Variants in KIF1A observed in about 807,000 individuals in gnomAD.
KIF1A encodes the protein kinesin family member 1A, also known as kinesin-like protein KIF1A.
KIF1A carries 46 observed loss-of-function variants against 227.3 expected under a neutral mutation model. The ratio of observed to expected loss-of-function variants is 0.20; its 90% CI spans 0.16 to 0.26. The LOEUF (loss-of-function observed/expected upper bound fraction) is 0.26. Among genes scored for constraint, KIF1A ranks in the 10% least tolerant of loss-of-function variants. The pLI, the probability that KIF1A is intolerant of heterozygous loss-of-function variation, is 1.00. For synonymous variants in KIF1A, 1,022 were observed against 1,012.8 expected (o/e 1.01, Z -0.17); for missense variants, 1,683 against 2,485.9 (o/e 0.68, Z 6.87).
chr2:240,767,171 G>A (rs2051311802), intron 18 of KIF1A, 95 bp downstream of exon 18: 1 of 1,181,272 alleles, frequency 8.5e-7, no homozygotes, highest in Admixed American at 1.9e-5. Context: ...CAAACTCAGT[G>A]GCCCCTCTGC....
At chr2:240,786,937 G>T (rs1296295684) in intron 5 of KIF1A, among the ~76,000 whole-genome samples, 1 of 151,566 alleles carries the variant, frequency 6.6e-6, no homozygotes, top group East Asian at 1.9e-4. Context: ...TGGGCTCTAG[G>T]ACACACACAT....
In KIF1A at chr2:240,722,462, G is replaced by A. The variant is rs1269754231; in HGVS notation, c.4659C>T (p.Ala1553=). The change falls in exon 43 of 49, where the codon GCC becomes GCT. Residue 1553 remains alanine, a synonymous_variant. Transcript: ENST00000498729. ...GCCCACCAGCTGGACCCACCTTGAC[G>A]GCCAGCTCCCGCTGCCTCTCGTTGG... is the stretch of plus-strand genomic sequence containing the variant. ...EAPNERQREL[A]VKCLRLLTHT... 66 of 1,546,382 alleles carry A rather than the reference G, an allele frequency of 4.3e-5. No individual in the cohort carries two copies. The highest frequency in any genetic ancestry group is 2.2e-4 in the Middle Eastern group (1 of 4,484).
At chr2:240,809,133 A>G (rs993637712) in intron 1 of KIF1A, among the ~76,000 whole-genome samples, 1 of 152,268 alleles carries the variant, frequency 6.6e-6, no homozygotes, top group Non-Finnish European at 1.5e-5. Flanking sequence ...ATAAATCTCA[A>G]TATCTTGAAA....
chr2:240,821,215 G>C (rs1042567736), upstream of KIF1A, among the ~76,000 whole-genome samples: 1 of 152,198 alleles, frequency 6.6e-6, no homozygotes, highest in Non-Finnish European at 1.5e-5. Flanking sequence ...CTGCCATCGA[G>C]CCCCTGCCAT....
intron 23 of KIF1A, among the ~76,000 whole-genome samples, chr2:240,761,636 G>A (rs1027809606): frequency 6.6e-6 from 1 of 152,202 alleles, no homozygotes; most frequent in Non-Finnish European, 1.5e-5. Flanking sequence ...TCTGGGCTGG[G>A]AGAGCTCTGT....
At chr2:240,746,727 AC>A (rs1318621617) in intron 29 of KIF1A, among the ~76,000 whole-genome samples, 2 of 152,166 alleles carry the variant, frequency 1.3e-5, no homozygotes, top group Admixed American at 1.3e-4. Context: ...ACCTTCCTCC[AC>A]CACTCTCTCA....
intron 31 of KIF1A, 64 bp from the exon 32 acceptor site, chr2:240,745,581 G>A: frequency 6.6e-7 from 1 of 1,505,596 alleles, no homozygotes; most frequent in Admixed American, 1.8e-5. Flanking sequence ...TTACCAGGTG[G>A]AACCCACCTC....
Position 240,747,222 on chromosome 2 carries a change from A to C in KIF1A, c.3063+14T>G. Reference sequence around the variant, plus strand: ...GGCACCTCCAGGTCTGGGACTCGGGAGGGAGCTTGGTACCTTTTCAAAATG... The same window carrying C: ...GGCACCTCCAGGTCTGGGACTCGGGCGGGAGCTTGGTACCTTTTCAAAATG... On this transcript the variant is annotated intron_variant, in intron 29 of 48. Coordinates refer to ENST00000498729, the MANE Select transcript of KIF1A (RefSeq NM_001244008.2). 6.2e-7 allele frequency: 1 copy of C among 1,608,650 alleles called. No homozygotes were observed.
rs1472613440 is a variant in KIF1A at position 240,736,375 on chromosome 2, G to T, written c.4007+688C>A. Among the ~76,000 whole-genome samples, 7 of 151,958 alleles carry T rather than the reference G, an allele frequency of 4.6e-5. No individual in the cohort carries two copies. Among genetic ancestry groups the T allele is most frequent in the Admixed American group, 4.6e-4 (7 of 15,278 alleles). On this transcript the variant is annotated intron_variant, in intron 38 of 48. Coordinates refer to ENST00000498729, the MANE Select transcript of KIF1A (RefSeq NM_001244008.2). This position sits in a 1 kb window ranked among gnomAD's most constrained non-coding sequence, Gnocchi z 4.7. ...CAAGCCCCTGGAAGGCAGCGTCTGG[G>T]ACGCAGTGGAGCCCGCGGGACGTCC...
intron 27 of KIF1A, among the ~76,000 whole-genome samples, chr2:240,755,194 G>A (rs1339459820): frequency 3.3e-5 from 5 of 152,224 alleles, no homozygotes; most frequent in African/African-American, 7.2e-5. Flanking sequence ...GGCCCCTGGG[G>A]GCTGACCCTG....
At chr2:240,801,854 T>C (rs1294014724) in intron 1 of KIF1A, among the ~76,000 whole-genome samples, 1 of 152,194 alleles carries the variant, frequency 6.6e-6, no homozygotes, top group Non-Finnish European at 1.5e-5. Context: ...TAAATTCTCT[T>C]ATTCACAAGC....
rs1030196679 is a variant in KIF1A, at chr2:240,725,127, G to A, written c.4256+144C>T. 24 of 802,816 alleles carry A rather than the reference G, an allele frequency of 3.0e-5. No homozygotes were observed. Among genetic ancestry groups the A allele is most frequent in the Non-Finnish European group, 4.1e-5 (21 of 507,010 alleles). 49.7% of individuals were successfully genotyped at this position (802,816 alleles called of 1,614,324 possible). A position where few individuals can be genotyped will look rare whatever the true frequency, so the allele number is the denominator to read the frequency against. ...TAGGGTGAGCAGGAGGGGACTGAGCGCAGGGAGCCAGCCAGGAGTGTGGCT... is the reference window on the plus strand; with the variant it reads ...TAGGGTGAGCAGGAGGGGACTGAGCACAGGGAGCCAGCCAGGAGTGTGGCT... On this transcript the variant is annotated intron_variant, in intron 40 of 48. Coordinates refer to ENST00000498729, the MANE Select transcript of KIF1A (RefSeq NM_001244008.2). The surrounding 1 kb of genome is among the most constrained non-coding windows in gnomAD (Gnocchi z 5.8).
Position 240,766,028 on chromosome 2 carries a change from G to A in KIF1A, c.1685-235C>T, listed in dbSNP as rs1196068328. Among the ~76,000 whole-genome samples, 10 of 152,252 alleles carry A rather than the reference G, an allele frequency of 6.6e-5. No homozygotes were observed. Among genetic ancestry groups the A allele is most frequent in the Non-Finnish European group, 8.8e-5 (6 of 68,036 alleles). On this transcript the variant is annotated intron_variant, in intron 19 of 48. Coordinates refer to ENST00000498729, the MANE Select transcript of KIF1A (RefSeq NM_001244008.2). This position sits in a 1 kb window ranked among gnomAD's most constrained non-coding sequence, Gnocchi z 5.0. ...CCAGAAGGAGGATGCATGTGCCCAC[G>A]TTGAAGCCAAGAGGCTGTGCTGGGC...
intron 10 of KIF1A, chr2:240,782,095 C>T (rs2054112168): frequency 1.0e-6 from 1 of 985,406 alleles, no homozygotes; most frequent in Non-Finnish European, 1.2e-6. Flanking sequence ...CACGCGGTTC[C>T]TCACACAGTC....
At position 240,717,124 on chromosome 2, in the gene KIF1A, C is replaced by A. The variant is rs757646908; in HGVS notation, c.*240G>T. On this transcript the variant is annotated 3_prime_UTR_variant, in exon 49 of 49. Transcript: ENST00000498729. Reference sequence around the variant, plus strand: ...TAACCTGTGCCCTTGGCCCCCCCAGCCTCTCCCAACTTGTTCCACCAGAGC... The same window carrying A: ...TAACCTGTGCCCTTGGCCCCCCCAGACTCTCCCAACTTGTTCCACCAGAGC... 1 of 479,286 alleles carries A rather than the reference C, an allele frequency of 2.1e-6. No homozygotes were observed. The highest frequency in any genetic ancestry group is 4.4e-5 in the South Asian group (1 of 22,670). The allele number at this position is 479,286 out of a possible 1,614,324, so 29.7% of individuals were successfully genotyped here.
intron 6 of KIF1A, among the ~76,000 whole-genome samples, chr2:240,786,051 C>T (rs1305539078): frequency 6.6e-6 from 1 of 152,164 alleles, no homozygotes; most frequent in East Asian, 1.9e-4. Flanking sequence ...ATCGAAGCAG[C>T]AGCCACAGAT....
intron 44 of KIF1A, among the ~76,000 whole-genome samples, chr2:240,721,491 G>A (rs553505556): frequency 2.2e-4 from 34 of 152,336 alleles, no homozygotes; most frequent in South Asian, 1.7e-3. Flanking sequence ...GAGCTTGACT[G>A]ACTGGGCCAG....
intron 41 of KIF1A, 27 bp downstream of exon 41, chr2:240,723,948 C>T (rs748248212): frequency 6.2e-7 from 1 of 1,603,350 alleles, no homozygotes; most frequent in South Asian, 1.1e-5. Flanking sequence ...CAGGAACCCA[C>T]CCAGTGAGAG....
rs1455723352 is a variant in KIF1A, at chr2:240,736,366, A to T, written c.4007+697T>A. On this transcript the variant is annotated intron_variant, in intron 38 of 48. Transcript: ENST00000498729. The surrounding 1 kb of genome is among the most constrained non-coding windows in gnomAD (Gnocchi z 4.7). ...CACTTTCCCCAAGCCCCTGGAAGGC[A>T]GCGTCTGGGACGCAGTGGAGCCCGC... 6.6e-6 allele frequency among the ~76,000 whole-genome samples: 1 copy of T among 151,986 alleles called. No individual in the cohort carries two copies. Among genetic ancestry groups the T allele is most frequent in the Non-Finnish European group, 1.5e-5 (1 of 67,984 alleles).
Sources: gnomAD v4.1 joint callset for allele counts (sites outside exome capture counted in the v4.1 genomes callset) on GRCh38, gnomAD v4.1.1 for gene constraint, Gnocchi (gnomAD v3.1) non-coding constraint, MANE v1.5 for transcripts, NCBI Gene and HGNC (gene_info 2026-07-23, HGNC 2026-07-21) for gene names.